ALDH18A1: variants seen among roughly 807,000 people sequenced by gnomAD.
ALDH18A1 encodes the protein delta-1-pyrroline-5-carboxylate synthase.
Under a neutral mutation model 88.8 loss-of-function variants are expected in ALDH18A1, and 44 were observed. That is an observed-to-expected ratio of 0.50 (90% CI 0.39 to 0.64). The LOEUF is 0.64. Ranked by LOEUF, ALDH18A1 falls within the 30% of genes least tolerant of loss-of-function variation. ALDH18A1 has a pLI of 0.00. For synonymous variants in ALDH18A1, 331 were observed against 372.1 expected (o/e 0.89, Z 1.27); for missense variants, 782 against 1,009.5 (o/e 0.77, Z 3.05).
At chr10:95,655,679 AGAGTGTGT>A (rs1470615739) in intron 1 of ALDH18A1, among the ~76,000 whole-genome samples, 1 of 51,882 alleles carries the variant, frequency 1.9e-5, no homozygotes, top group Admixed American at 2.3e-4. Flanking sequence ...AGGAGCAAAG[AGAGTGTGT>A]GTGTGTGTGT....
intron 2 of ALDH18A1, among the ~76,000 whole-genome samples, 191 bp from the exon 3 acceptor site, chr10:95,643,397 TAC>T (rs1308508510): frequency 6.6e-6 from 1 of 152,212 alleles, no homozygotes; most frequent in Non-Finnish European, 1.5e-5. Context: ...GTATGGAGTT[TAC>T]ACCCAGTATG....
intron 2 of ALDH18A1, among the ~76,000 whole-genome samples, chr10:95,649,255 C>T (rs1355686061): frequency 6.6e-6 from 1 of 152,010 alleles, no homozygotes; most frequent in Non-Finnish European, 1.5e-5. Flanking sequence ...GTGGCTCACA[C>T]CTGTAATTCC....
chr10:95,634,187 C>T (rs1299678080), intron 5 of ALDH18A1, among the ~76,000 whole-genome samples: 1 of 152,138 alleles, frequency 6.6e-6, no homozygotes, highest in Non-Finnish European at 1.5e-5. Context: ...TACCAAATTC[C>T]AAAATCTCAT....
chr10:95,610,400 G>A (rs1262935360), intron 16 of ALDH18A1, 108 bp from the exon 17 acceptor site: 1 of 986,200 alleles, frequency 1.0e-6, no homozygotes, highest in Non-Finnish European at 1.6e-6. Flanking sequence ...TCCCCACTGG[G>A]GCCTCTCCAT....
intron 3 of ALDH18A1, among the ~76,000 whole-genome samples, chr10:95,638,909 G>T (rs2097886190): frequency 6.7e-6 from 1 of 149,426 alleles, no homozygotes; most frequent in African/African-American, 2.5e-5. Flanking sequence ...GTCTTGCTTT[G>T]TCACCCATGC....
In ALDH18A1 at chr10:95,606,316, T is replaced by C; in HGVS notation, c.*446A>G. On this transcript the variant is annotated 3_prime_UTR_variant, in exon 18 of 18. Transcript: ENST00000371224. ...CTAAAAAGAAGAGTTGCCCCTTTTC[T>C]AAAATTCCAAATCTTTCCTTTTTGA... The C allele has an allele frequency of 1.0e-6, 1 of 1,001,922 alleles. No individual in the cohort carries two copies. The allele number at this position is 1,001,922 out of a possible 1,614,324, so 62.1% of individuals were successfully genotyped here.
chr10:95,629,552 A>T (rs2097865080), intron 7 of ALDH18A1, among the ~76,000 whole-genome samples: 1 of 152,044 alleles, frequency 6.6e-6, no homozygotes, highest in African/African-American at 2.4e-5. Context: ...CTACTCCACA[A>T]CTCTCCAGGA....
At chr10:95,628,267 T>TTGGGGGTTA in intron 8 of ALDH18A1, 101 bp downstream of exon 8, 1 of 1,528,528 alleles carries the variant, frequency 6.5e-7, no homozygotes, top group Non-Finnish European at 9.0e-7. Flanking sequence ...ATGTGCCTAC[T>TTGGGGGTTA]ATCTGAACCA....
At position 95,621,204 on chromosome 10, in the gene ALDH18A1, T is replaced by G. The variant is rs1204104116; in HGVS notation, c.1294A>C (p.Lys432Gln). The change falls in exon 12 of 18, where the codon AAA becomes CAA. Residue 432 changes from lysine to glutamine, a missense_variant. Coordinates refer to ENST00000371224, the MANE Select transcript of ALDH18A1 (RefSeq NM_002860.4). ...AGACCGATGGCCAGGCTGTTCAATT[T>G]GGATGTGGAGAGGCTTAAACGTTTC... ...LLKRLSLSTS[K>Q]LNSLAIGLRQ... 6.2e-7 allele frequency: 1 copy of G among 1,613,958 alleles called. No homozygotes were observed. The highest frequency in any genetic ancestry group is 1.3e-5 in the African/African-American group (1 of 75,014).
At chr10:95,634,654 G>T (rs961184260) in intron 5 of ALDH18A1, among the ~76,000 whole-genome samples, 1 of 152,252 alleles carries the variant, frequency 6.6e-6, no homozygotes, top group African/African-American at 2.4e-5. Flanking sequence ...ACACAACTTG[G>T]TTCAAGGGAG....
At chr10:95,649,348 CA>C (rs928259316) in intron 2 of ALDH18A1, among the ~76,000 whole-genome samples, 2 of 148,088 alleles carry the variant, frequency 1.4e-5, no homozygotes, top group African/African-American at 5.0e-5. Flanking sequence ...TCCATTTTTA[CA>C]GATTTTTTTT....
intron 3 of ALDH18A1, 107 bp from the exon 4 acceptor site, chr10:95,637,543 GT>G: frequency 7.4e-7 from 1 of 1,355,738 alleles, no homozygotes. Flanking sequence ...CCAAATGCTG[GT>G]TTATGAACCA....
At position 95,628,420 on chromosome 10, in the gene ALDH18A1, G is replaced by A. The variant is rs776929256; in HGVS notation, c.881C>T (p.Ser294Phe). The A allele has an allele frequency of 1.2e-6, 2 of 1,614,134 alleles. No individual in the cohort carries two copies. The highest frequency in any genetic ancestry group is 2.2e-5 in the East Asian group (1 of 44,884). Reference protein sequence around the residue: ...IDIFYPGDQQSVTFGTKSRVG... With the variant: ...IDIFYPGDQQFVTFGTKSRVG... ...TCTAGACTTGGTTCCAAATGTCACAGACTGCTGATCTCCGGGATAAAATAT... is the reference window on the plus strand; with the variant it reads ...TCTAGACTTGGTTCCAAATGTCACAAACTGCTGATCTCCGGGATAAAATAT... The change falls in exon 8 of 18, where the codon TCT (serine) becomes TTT (phenylalanine). Residue 294 changes from serine to phenylalanine, a missense_variant. Ser to Phe is a radical substitution (Grantham distance 155). Coordinates refer to ENST00000371224, the MANE Select transcript of ALDH18A1 (RefSeq NM_002860.4).
At chr10:95,622,841 A>AT (rs889009289) in intron 11 of ALDH18A1, among the ~76,000 whole-genome samples, 33 of 152,158 alleles carry the variant, frequency 2.2e-4, no homozygotes, top group Non-Finnish European at 3.8e-4. Context: ...CCGGCCCAGA[A>AT]TTTTTTTAAA....
At chr10:95,650,371 T>C (rs2097908573) in intron 2 of ALDH18A1, among the ~76,000 whole-genome samples, 3 of 152,178 alleles carry the variant, frequency 2.0e-5, no homozygotes, top group African/African-American at 7.2e-5. Flanking sequence ...GGTTTGGATA[T>C]GGTTTGGCCC....
intron 1 of ALDH18A1, among the ~76,000 whole-genome samples, chr10:95,656,273 T>G (rs1486599213): frequency 6.6e-6 from 1 of 152,174 alleles, no homozygotes; most frequent in African/African-American, 2.4e-5. Flanking sequence ...AGTCTCCACT[T>G]GGCCCAGTTC....
intron 3 of ALDH18A1, 45 bp from the exon 4 acceptor site, chr10:95,637,481 C>G (rs768447898): frequency 2.5e-6 from 4 of 1,608,136 alleles, no homozygotes; most frequent in African/African-American, 2.7e-5. Flanking sequence ...ACCGTACTGT[C>G]TCTTTCATCT....
intron 15 of ALDH18A1, 56 bp downstream of exon 15, chr10:95,613,685 CT>C: frequency 6.2e-7 from 1 of 1,606,240 alleles, no homozygotes; most frequent in South Asian, 1.1e-5. Context: ...TGTGCCTGGT[CT>C]AATTCCACAG....
At chr10:95,638,025 T>A (rs563042531) in intron 3 of ALDH18A1, among the ~76,000 whole-genome samples, 5 of 151,924 alleles carry the variant, frequency 3.3e-5, no homozygotes, top group African/African-American at 9.6e-5. Context: ...AAGAAAAAAA[T>A]TTTTTTAAGG....
Sources: gnomAD v4.1 joint callset for allele counts (sites outside exome capture counted in the v4.1 genomes callset) on GRCh38, gnomAD v4.1.1 for gene constraint, MANE v1.5 for transcripts, NCBI Gene and HGNC (gene_info 2026-07-23, HGNC 2026-07-21) for gene names.